DCP1A: variants seen among roughly 807,000 people sequenced by gnomAD.
The protein encoded by DCP1A is mRNA-decapping enzyme 1A.
DCP1A carries 20 observed loss-of-function variants against 58.0 expected under a neutral mutation model. The observed-to-expected ratio is 0.34, with a 90% CI of 0.24 to 0.50. DCP1A has a LOEUF of 0.50. Ranked by LOEUF, DCP1A falls within the 20% of genes least tolerant of loss-of-function variation. The probability of loss-of-function intolerance (pLI) is 0.98; values close to 1 mark genes in which losing one functional copy is unlikely to be tolerated. For missense variants in DCP1A, 613 were observed against 712.2 expected (o/e 0.86, Z 1.59); for synonymous variants, 285 against 275.1 (o/e 1.04, Z -0.36).
At chr3:53,290,981 T>A in intron 7 of DCP1A, 125 bp from the exon 8 acceptor site, 1 of 811,292 alleles carries the variant, frequency 1.2e-6, no homozygotes, top group Non-Finnish European at 2.0e-6. Flanking sequence ...ATGGTTCAGA[T>A]ATTAACTAGT....
chr3:53,312,100 G>C, intron 5 of DCP1A, 141 bp downstream of exon 5: 1 of 843,902 alleles, frequency 1.2e-6, no homozygotes, highest in Non-Finnish European at 1.7e-6. Context: ...GATTACAGGA[G>C]TGTGCTAACA....
intron 3 of DCP1A, chr3:53,328,965 G>A (rs1708184456): frequency 6.2e-6 from 1 of 162,324 alleles, no homozygotes; most frequent in Admixed American, 6.4e-5. Context: ...GTGGAAGACT[G>A]CCTTTCTTCA....
intron 3 of DCP1A, among the ~76,000 whole-genome samples, chr3:53,320,172 A>G (rs1175171374): frequency 6.6e-6 from 1 of 152,060 alleles, no homozygotes; most frequent in Non-Finnish European, 1.5e-5. Context: ...CAAAGCTTTC[A>G]AAACAAACCC....
chr3:53,347,419 G>A lies in DCP1A; in HGVS notation c.99C>T (p.Val33=), dbSNP rs782497629. The A allele has an allele frequency of 1.2e-6, 2 of 1,613,140 alleles. No homozygotes were observed. The highest frequency in any genetic ancestry group is 2.2e-5 in the South Asian group (2 of 91,060). ...CCTTGGGGCAGAAGGTGTACAGAGCGACCTGGCCCGTGAGGTCTGCGATGC... is the reference window on the plus strand; with the variant it reads ...CCTTGGGGCAGAAGGTGTACAGAGCAACCTGGCCCGTGAGGTCTGCGATGC... ...ITSIADLTGQ[V]ALYTFCPKAN... The change falls in exon 1 of 10, where the codon GTC becomes GTT. Residue 33 remains valine, a synonymous_variant. Transcript: ENST00000610213.
intron 3 of DCP1A, among the ~76,000 whole-genome samples, chr3:53,324,117 T>G (rs1708047004): frequency 6.6e-6 from 1 of 152,222 alleles, no homozygotes; most frequent in Non-Finnish European, 1.5e-5. Context: ...ATAAGACACA[T>G]GCCTTCTGCT....
chr3:53,322,343 T>G (rs1242279594), intron 3 of DCP1A, among the ~76,000 whole-genome samples: 13 of 151,688 alleles, frequency 8.6e-5, no homozygotes, highest in African/African-American at 3.2e-4. Context: ...TTCCAGCTAC[T>G]CGGGAGGCTG....
At chr3:53,303,504 G>A (rs1472366286) in intron 6 of DCP1A, among the ~76,000 whole-genome samples, 1 of 152,140 alleles carries the variant, frequency 6.6e-6, no homozygotes, top group East Asian at 1.9e-4. Flanking sequence ...GGGCTCAAGC[G>A]ATCTGCCTGC....
At chr3:53,336,627 C>A (rs1198959057) in intron 3 of DCP1A, among the ~76,000 whole-genome samples, 1 of 152,148 alleles carries the variant, frequency 6.6e-6, no homozygotes, top group Non-Finnish European at 1.5e-5. Context: ...CCTGGGCAAC[C>A]TGGCTGGGCT....
chr3:53,300,567 G>T (rs1707281559), intron 6 of DCP1A, among the ~76,000 whole-genome samples: 1 of 152,118 alleles, frequency 6.6e-6, no homozygotes, highest in Non-Finnish European at 1.5e-5. Context: ...TTGAACTCCT[G>T]ACCTCAGGTG....
In DCP1A at chr3:53,342,263, G is replaced by A. The variant is rs782232723; in HGVS notation, c.185C>T (p.Ser62Phe). The A allele has an allele frequency of 5.1e-5, 82 of 1,596,926 alleles. No homozygotes were observed. The highest frequency in any genetic ancestry group is 6.8e-5 in the South Asian group (6 of 88,728). ...CACAATGGTAAAACCATGGTAAGGG[G>A]AAGCTGACCTTAGATTTAATAGAAG... The part of the protein sequence containing the change: ...GTLFVYRRSA[S>F]PYHGFTIVNR... The change falls in exon 3 of 10, where the codon TCC (serine) becomes TTC (phenylalanine). Residue 62 changes from serine to phenylalanine, a missense_variant. By Grantham distance (155) the Ser-to-Phe change is radical. Around this residue, in one of 3 missense-constraint regions of DCP1A, gnomAD observed 65 missense variants for 118.5 expected, o/e 0.55. Transcript: ENST00000610213.
In DCP1A at chr3:53,292,302, TGTTCGTCAC is replaced by T. The variant is rs1706916297; in HGVS notation, c.1141_1149del (p.Val381_Asn383del). On this transcript the variant is annotated inframe_deletion, in exon 7 of 10. Coordinates refer to ENST00000610213, the MANE Select transcript of DCP1A (RefSeq NM_018403.7). ...ACGCTTGGGAGGGATGTGCCAGCTG[TGTTCGTCAC>T]GTTCAATGGGGCCCTGAAGGGGCTC... 1 of 1,613,700 alleles carries T rather than the reference TGTTCGTCAC, an allele frequency of 6.2e-7. No homozygotes were observed. Among genetic ancestry groups the T allele is most frequent in the Admixed American group, 1.7e-5 (1 of 59,996 alleles).
chr3:53,289,416 G>C (rs1234294044), intron 8 of DCP1A, among the ~76,000 whole-genome samples: 2 of 151,646 alleles, frequency 1.3e-5, no homozygotes, highest in Non-Finnish European at 2.9e-5. Flanking sequence ...TTCAAGACCA[G>C]CCTGATCAAC....
At chr3:53,339,938 T>C (rs2089177735) in intron 3 of DCP1A, among the ~76,000 whole-genome samples, 1 of 152,232 alleles carries the variant, frequency 6.6e-6, no homozygotes, top group Non-Finnish European at 1.5e-5. Flanking sequence ...TTTTCATTTT[T>C]TGAGTCAGGG....
chr3:53,329,204 T>G (rs1708191986), intron 3 of DCP1A: 1 of 394,604 alleles, frequency 2.5e-6, no homozygotes. Context: ...TTCTGAGACT[T>G]GCCCTTGAAC....
At chr3:53,347,172 G>A (rs903162616) in intron 1 of DCP1A, among the ~76,000 whole-genome samples, 2 of 152,052 alleles carry the variant, frequency 1.3e-5, no homozygotes, top group Non-Finnish European at 2.9e-5. Flanking sequence ...CTTTTCCTTG[G>A]GATGTCTCGA....
At chr3:53,319,857 T>C (rs879978187) in intron 3 of DCP1A, among the ~76,000 whole-genome samples, 1 of 152,130 alleles carries the variant, frequency 6.6e-6, no homozygotes, top group Non-Finnish European at 1.5e-5. Context: ...TTGCCGGGCA[T>C]GGTGGCTCAC....
intron 3 of DCP1A, among the ~76,000 whole-genome samples, chr3:53,328,323 A>G (rs1273345558): frequency 6.6e-6 from 1 of 152,200 alleles, no homozygotes; most frequent in African/African-American, 2.4e-5. Context: ...AGATAACTTC[A>G]TTGTGTAAAC....
At chr3:53,307,826 T>C (rs142839891) in intron 5 of DCP1A, among the ~76,000 whole-genome samples, 1 of 152,332 alleles carries the variant, frequency 6.6e-6, no homozygotes, top group East Asian at 1.9e-4. Context: ...TACAAGGATT[T>C]AGCTATAAGG....
intron 6 of DCP1A, among the ~76,000 whole-genome samples, chr3:53,297,413 T>G (rs1319216113): frequency 6.6e-6 from 1 of 151,052 alleles, no homozygotes; most frequent in East Asian, 1.9e-4. Flanking sequence ...CAGGCTGGAG[T>G]GCAGTGGTGT....
Sources: gnomAD v4.1 joint callset for allele counts (sites outside exome capture counted in the v4.1 genomes callset) on GRCh38, gnomAD v4.1.1 for gene constraint, gnomAD v4.1.1 regional missense constraint, MANE v1.5 for transcripts, NCBI Gene and HGNC (gene_info 2026-07-23, HGNC 2026-07-21) for gene names.